The following ITLN1 variants were observed in gnomAD, a reference collection of about 807,000 sequenced individuals.
ITLN1 encodes intelectin 1, also known as intelectin-1.
ITLN1 carries 29 observed loss-of-function variants against 36.2 expected under a neutral mutation model. The observed-to-expected ratio is 0.80, with a 90% CI of 0.60 to 1.09. The LOEUF is 1.09. Among genes scored for constraint, ITLN1 ranks in the 50% least tolerant of loss-of-function variants. The pLI is 0.00. For synonymous variants in ITLN1, 143 were observed against 146.5 expected, an observed-to-expected ratio of 0.98 and a Z score of 0.17; for missense variants, 358 against 405.2, an observed-to-expected ratio of 0.88 and a Z score of 1.00.
chr1:160,878,104 G>T (rs2101908437), intron 7 of ITLN1, among the ~76,000 whole-genome samples: 1 of 152,164 alleles, frequency 6.6e-6, no homozygotes, highest in Non-Finnish European at 1.5e-5. Context: ...AGAGGCAGAA[G>T]TTGTGGCGAG....
chr1:160,881,825 AG>A (rs1670684091), intron 4 of ITLN1, 131 bp downstream of exon 4: 4 of 1,066,038 alleles, frequency 3.8e-6, no homozygotes, highest in Non-Finnish European at 4.1e-6. Context: ...AAAAAAAAAA[AG>A]ATATAAGTAT....
intron 6 of ITLN1, 79 bp from the exon 7 acceptor site, chr1:160,879,493 A>T: frequency 9.2e-7 from 1 of 1,086,894 alleles, no homozygotes; most frequent in Admixed American, 1.8e-5. Flanking sequence ...GAGGCTCTCG[A>T]TGCCAAAGCT....
Position 160,882,067 on chromosome 1 carries a change from G to C in ITLN1, c.295C>G (p.Arg99Gly). Residue 99 changes from arginine (R) to glycine (G), a missense_variant, in exon 4 of 8, where the codon CGC becomes GGC. Coordinates refer to ENST00000326245, the MANE Select transcript of ITLN1 (RefSeq NM_017625.3). ...DMRGKCTVGDRWSSQQGSKAV... is the reference protein window; with the variant it reads ...DMRGKCTVGDGWSSQQGSKAV... ...TTGCTGCCCTGCTGACTGGACCAGCGATCGCCCACCGTGCACTTCCCACGC... is the reference window on the plus strand; with the variant it reads ...TTGCTGCCCTGCTGACTGGACCAGCCATCGCCCACCGTGCACTTCCCACGC... 1 of 1,614,082 alleles carries C rather than the reference G, an allele frequency of 6.2e-7. No individual in the cohort carries two copies. The highest frequency in any genetic ancestry group is 8.5e-7 in the Non-Finnish European group (1 of 1,180,030).
chr1:160,878,385 C>CTTT lies in ITLN1; in HGVS notation c.789+923_789+925dup, dbSNP rs36015074. 2.1e-3 allele frequency among the ~76,000 whole-genome samples: 302 copies of CTTT among 140,510 alleles called. 2 individuals carry two copies. Among genetic ancestry groups the CTTT allele is most frequent in the African/African-American group, 7.4e-3 (280 of 37,838 alleles). The allele number at this position is 140,510 out of a possible 152,430, so 92.2% of individuals were successfully genotyped here. On this transcript the variant is annotated intron_variant, in intron 7 of 7. Coordinates refer to ENST00000326245, the MANE Select transcript of ITLN1 (RefSeq NM_017625.3). ...CAGTCTCAGATATTTCTTTTTCTTTCTTTTTTTTTTTTTTTATTGAGACAG... is the reference window on the plus strand; with the variant it reads ...CAGTCTCAGATATTTCTTTTTCTTTCTTTTTTTTTTTTTTTTTTATTGAGACAG...
intron 5 of ITLN1, 107 bp from the exon 6 acceptor site, chr1:160,880,815 A>G (rs1571141938): frequency 1.6e-6 from 2 of 1,280,158 alleles, no homozygotes; most frequent in Non-Finnish European, 2.2e-6. Context: ...CTTTCTCAGT[A>G]ACTGAGATTA....
At chr1:160,881,056 G>A in intron 5 of ITLN1, 98 bp downstream of exon 5, 1 of 1,335,132 alleles carries the variant, frequency 7.5e-7, no homozygotes, top group African/African-American at 1.5e-5. Flanking sequence ...AGAAGAACAT[G>A]GGAGACAGAC....
At position 160,879,478 on chromosome 1, in the gene ITLN1, G is replaced by A. The variant is rs193078309; in HGVS notation, c.686-64C>T. On this transcript the variant is annotated intron_variant, in intron 6 of 7. Transcript: ENST00000326245. ...GCTAGAAATTGCTTTCCTTAGGCCA[G>A]CCCAGAGGCTCTCGATGCCAAAGCT... 2,608 of 1,283,010 alleles carry A rather than the reference G, an allele frequency of 2.0e-3. 24 individuals are homozygous for A. Among genetic ancestry groups the A allele is most frequent in the South Asian group, 0.012 (974 of 83,854 alleles). 79.5% of individuals were successfully genotyped at this position (1,283,010 alleles called of 1,614,324 possible).
Position 160,882,722 on chromosome 1 carries a change from C to G in ITLN1, c.158-518G>C, listed in dbSNP as rs542405016. On this transcript the variant is annotated intron_variant, in intron 3 of 7. Transcript: ENST00000326245. ...ACTGTGCTAAGTGAAATAAGCCAGA[C>G]ACCAAAGGACAAATACCATATGACT... Among the ~76,000 whole-genome samples, 194 of 152,226 alleles carry G rather than the reference C, an allele frequency of 1.3e-3. 1 individual carries two copies. Among genetic ancestry groups the G allele is most frequent in the African/African-American group, 4.0e-3 (168 of 41,522 alleles).
At position 160,882,795 on chromosome 1, in the gene ITLN1, G is replaced by A. The variant is rs138698211; in HGVS notation, c.158-591C>T. Reference sequence around the variant, plus strand: ...CTAGGCAAATTCATGGAGATAGAAAGTAAAATGCAGCTACCAGAGACTGAG... The same window carrying A: ...CTAGGCAAATTCATGGAGATAGAAAATAAAATGCAGCTACCAGAGACTGAG... On this transcript the variant is annotated intron_variant, in intron 3 of 7. Transcript: ENST00000326245. 3.9e-3 allele frequency among the ~76,000 whole-genome samples: 599 copies of A among 152,278 alleles called. 2 individuals carry two copies. The highest frequency in any genetic ancestry group is 0.01 in the Middle Eastern group (3 of 294).
chr1:160,883,432 T>G lies in ITLN1; in HGVS notation c.153A>C (p.Ala51=). 1 of 1,608,272 alleles carries G rather than the reference T, an allele frequency of 6.2e-7. No homozygotes were observed. The highest frequency in any genetic ancestry group is 1.1e-5 in the South Asian group (1 of 90,928). Reference sequence around the variant, plus strand: ...TTTGAATGTTTCATCACTCACCAAATGCACTAGGACATTCGTCTTTGATTT... The same window carrying G: ...TTTGAATGTTTCATCACTCACCAAAGGCACTAGGACATTCGTCTTTGATTT... ...CKEIKDECPS[A]FDGLYFLRTE... is the part of the protein sequence containing the mutation. The change falls in exon 3 of 8, where the codon GCA becomes GCC. Residue 51 remains alanine, a synonymous_variant. Transcript: ENST00000326245.
chr1:160,884,963 A>G, intron 1 of ITLN1, 80 bp from the exon 2 acceptor site: 1 of 863,064 alleles, frequency 1.2e-6, no homozygotes, highest in Admixed American at 1.9e-5. Context: ...CCAGTCTTAC[A>G]AAGACTCCAA....
At chr1:160,882,671 C>G (rs1670701750) in intron 3 of ITLN1, among the ~76,000 whole-genome samples, 1 of 152,100 alleles carries the variant, frequency 6.6e-6, no homozygotes, top group South Asian at 2.1e-4. Flanking sequence ...AATATCCATG[C>G]TACAGCATGG....
At chr1:160,882,358 C>A (rs996647874) in intron 3 of ITLN1, 154 bp from the exon 4 acceptor site, 12 of 830,588 alleles carry the variant, frequency 1.4e-5, no homozygotes, top group Middle Eastern at 5.5e-4. Context: ...TGGGGCCTCC[C>A]TGAGTTCAGA....
rs375881825 is a variant in ITLN1, at chr1:160,882,025, C to A, written c.337G>T (p.Gly113Trp). The change falls in exon 4 of 8, where the codon GGG becomes TGG. Residue 113 changes from glycine to tryptophan, a missense_variant. By Grantham distance (184) the Gly-to-Trp change is radical. Transcript: ENST00000326245. ...QQGSKAVYPE[G>W]DGNWANYNTF... ...TTGTAGTTGGCCCAGTTGCCGTCCC[C>A]CTCTGGGTAGACTGCTTTGCTGCCC... is the stretch of plus-strand genomic sequence containing the variant. 2 of 1,613,996 alleles carry A rather than the reference C, an allele frequency of 1.2e-6. No homozygotes were observed. Among genetic ancestry groups the A allele is most frequent in the Non-Finnish European group, 1.7e-6 (2 of 1,180,040 alleles).
At chr1:160,879,646 C>G (rs1192116623) in intron 6 of ITLN1, among the ~76,000 whole-genome samples, 2 of 152,186 alleles carry the variant, frequency 1.3e-5, no homozygotes, top group Non-Finnish European at 2.9e-5. Flanking sequence ...AGAGAGGGCT[C>G]CTCATCTGCC....
intron 2 of ITLN1, among the ~76,000 whole-genome samples, chr1:160,884,373 TAAG>T (rs1421901760): frequency 6.6e-6 from 1 of 151,802 alleles, no homozygotes. Flanking sequence ...AAAGATGAAG[TAAG>T]AAGATATTTC....
At chr1:160,883,611 C>A (rs761105196) in intron 2 of ITLN1, 85 bp from the exon 3 acceptor site, 5 of 949,052 alleles carry the variant, frequency 5.3e-6, no homozygotes, top group Non-Finnish European at 5.1e-6. Flanking sequence ...CTCATTCCAC[C>A]ACTGTAGCAG....
At position 160,880,080 on chromosome 1, in the gene ITLN1, G is replaced by A. The variant is rs565666046; in HGVS notation, c.685+508C>T. On this transcript the variant is annotated intron_variant, in intron 6 of 7. Coordinates refer to ENST00000326245, the MANE Select transcript of ITLN1 (RefSeq NM_017625.3). ...CAACACTTTGGGAGCCGAAGGGGGC[G>A]GATCGCCAAAGGTCAGGAGTTGGAG... Among the ~76,000 whole-genome samples, 147 of 152,108 alleles carry A rather than the reference G, an allele frequency of 9.7e-4. 1 individual carries two copies. Among genetic ancestry groups the A allele is most frequent in the African/African-American group, 2.3e-3 (97 of 41,480 alleles).
chr1:160,876,854 T>C (rs1670596008), intron 7 of ITLN1, 38 bp from the exon 8 acceptor site: 1 of 1,604,682 alleles, frequency 6.2e-7, no homozygotes. Context: ...TAATGAGAGA[T>C]CTGCCAGTGA....
Sources: allele counts gnomAD v4.1 joint callset (sites outside exome capture counted in the v4.1 genomes callset), GRCh38; gene constraint gnomAD v4.1.1; transcripts MANE v1.5; gene names NCBI Gene and HGNC (gene_info 2026-07-23, HGNC 2026-07-21).